The following TTC28 variants were observed in gnomAD, a reference collection of about 807,000 sequenced individuals.
The protein encoded by TTC28 is tetratricopeptide repeat domain 28, also known as tetratricopeptide repeat protein 28.
In TTC28, 61 loss-of-function variants were observed where a neutral mutation model predicts 198.0. The observed-to-expected ratio is 0.31, with a 90% CI of 0.25 to 0.38. The LOEUF is 0.38. Ranked by LOEUF, TTC28 falls within the 10% of genes least tolerant of loss-of-function variation. The pLI, the probability that TTC28 is intolerant of heterozygous loss-of-function variation, is 1.00. For missense variants in TTC28, 2,678 were observed against 3,164.0 expected, an observed-to-expected ratio of 0.85 and a Z score of 3.69; for synonymous variants, 1,171 against 1,297.8, an observed-to-expected ratio of 0.90 and a Z score of 2.10.
intron 6 of TTC28, among the ~76,000 whole-genome samples, chr22:28,145,356 T>C (rs977710398): frequency 6.6e-6 from 1 of 152,186 alleles, no homozygotes; most frequent in African/African-American, 2.4e-5. Context: ...GTTAGGCTGC[T>C]TGAATGTCTA....
rs760982134 is a variant in TTC28 at position 28,163,219 on chromosome 22, A to G, written c.1314T>C (p.Ala438=). The G allele has an allele frequency of 3.2e-6, 5 of 1,551,756 alleles. No homozygotes were observed. In the South Asian group the frequency reaches 4.8e-5, roughly 15 times the overall value. ...TGCACCTGGCAGCATGGCCTAGTCCAGCATAGGCCCGCATCTCAATAGCCT... is the reference window on the plus strand; with the variant it reads ...TGCACCTGGCAGCATGGCCTAGTCCGGCATAGGCCCGCATCTCAATAGCCT... ...MEKAIEMRAY[A]GLGHAARCMQ... is the part of the protein sequence containing the mutation. Residue 438 remains alanine (A), a synonymous_variant, in exon 6 of 23, where the codon GCT becomes GCC. Transcript: ENST00000397906.
intron 6 of TTC28, among the ~76,000 whole-genome samples, chr22:28,127,211 A>C (rs1942938286): frequency 6.6e-6 from 1 of 152,230 alleles, no homozygotes; most frequent in Admixed American, 6.5e-5. Context: ...TTGGAGATAC[A>C]AGTAGCTTTT....
At chr22:28,108,447 A>G in intron 6 of TTC28, 44 bp from the exon 7 acceptor site, 1 of 1,380,940 alleles carries the variant, frequency 7.2e-7, no homozygotes, top group African/African-American at 1.5e-5. Flanking sequence ...GAAATAACTG[A>G]TTTGCAATGT....
At position 28,191,934 on chromosome 22, in the gene TTC28, G is replaced by A. The variant is rs183898395; in HGVS notation, c.934-28335C>T. On this transcript the variant is annotated intron_variant, in intron 5 of 22. Coordinates refer to ENST00000397906, the MANE Select transcript of TTC28 (RefSeq NM_001145418.2). Reference sequence around the variant, plus strand: ...AATGACCCTGTCTGACAGCTTTGAAGAGAGTAGTGGTTCTCCCAGCACGCA... The same window carrying A: ...AATGACCCTGTCTGACAGCTTTGAAAAGAGTAGTGGTTCTCCCAGCACGCA... Among the ~76,000 whole-genome samples the A allele has an allele frequency of 3.5e-3, 540 of 152,334 alleles. 1 individual carries two copies. Among genetic ancestry groups the A allele is most frequent in the African/African-American group, 0.012 (510 of 41,576 alleles).
At chr22:28,523,595 T>C (rs1425169624) in intron 2 of TTC28, among the ~76,000 whole-genome samples, 1 of 152,174 alleles carries the variant, frequency 6.6e-6, no homozygotes, top group Non-Finnish European at 1.5e-5. Context: ...GCCCTTTTTA[T>C]ATATTGTCTC....
chr22:28,567,853 T>A (rs1221521112), intron 2 of TTC28, among the ~76,000 whole-genome samples: 1 of 151,806 alleles, frequency 6.6e-6, no homozygotes, highest in Non-Finnish European at 1.5e-5. Context: ...AAAAACTGCA[T>A]AAGGGGAACG....
chr22:27,985,662 C>T (rs898636839), intron 21 of TTC28: 7 of 234,522 alleles, frequency 3.0e-5, no homozygotes, highest in Admixed American at 9.3e-5. Context: ...GGCTCACTCA[C>T]ATGTTTTCTT....
intron 2 of TTC28, among the ~76,000 whole-genome samples, chr22:28,562,806 G>T (rs1480621842): frequency 6.6e-6 from 1 of 152,182 alleles, no homozygotes; most frequent in East Asian, 1.9e-4. Flanking sequence ...TTCATCAGAG[G>T]AAGGGTTTTG....
At chr22:28,580,520 G>A (rs920060686) in intron 2 of TTC28, among the ~76,000 whole-genome samples, 1 of 152,086 alleles carries the variant, frequency 6.6e-6, no homozygotes, top group African/African-American at 2.4e-5. Flanking sequence ...TTACAGGCAT[G>A]AGCCACCACA....
intron 2 of TTC28, among the ~76,000 whole-genome samples, chr22:28,572,660 A>G (rs145867789): frequency 6.6e-6 from 1 of 152,216 alleles, no homozygotes; most frequent in Admixed American, 6.5e-5. Context: ...AAAGAAAAAT[A>G]AGAGAATGTT....
intron 2 of TTC28, among the ~76,000 whole-genome samples, chr22:28,491,028 G>T (rs1364153505): frequency 3.3e-5 from 5 of 152,184 alleles, no homozygotes; most frequent in African/African-American, 7.2e-5. Context: ...GAAGTTTTTT[G>T]GGGGGAAATA....
intron 12 of TTC28, among the ~76,000 whole-genome samples, chr22:28,092,695 C>T (rs960720164): frequency 3.3e-5 from 5 of 152,212 alleles, no homozygotes; most frequent in African/African-American, 4.8e-5. Flanking sequence ...GGTCTAATGT[C>T]TAACCTAGTT....
chr22:28,148,032 G>A (rs1420643204), intron 6 of TTC28, among the ~76,000 whole-genome samples: 1 of 152,142 alleles, frequency 6.6e-6, no homozygotes, highest in African/African-American at 2.4e-5. Flanking sequence ...ATAAATATTA[G>A]GGTTCTTCAA....
At chr22:28,383,765 G>A (rs1214459498) in intron 2 of TTC28, among the ~76,000 whole-genome samples, 1 of 152,004 alleles carries the variant, frequency 6.6e-6, no homozygotes, top group Non-Finnish European at 1.5e-5. Context: ...AGATCACAAG[G>A]GCCTCCCAAT....
At chr22:27,988,954 G>A (rs1937304853) in intron 21 of TTC28, among the ~76,000 whole-genome samples, 1 of 152,216 alleles carries the variant, frequency 6.6e-6, no homozygotes, top group African/African-American at 2.4e-5. Flanking sequence ...CTCTAGGATG[G>A]TAGGAATTTA....
chr22:28,623,685 T>C (rs1444310137), intron 2 of TTC28, among the ~76,000 whole-genome samples: 7 of 152,140 alleles, frequency 4.6e-5, no homozygotes, highest in Non-Finnish European at 1.0e-4. Context: ...GCATTAATAT[T>C]ATAAAGAGTA....
chr22:28,524,220 G>A (rs1417173740), intron 2 of TTC28, among the ~76,000 whole-genome samples: 1 of 152,104 alleles, frequency 6.6e-6, no homozygotes, highest in Non-Finnish European at 1.5e-5. Context: ...CACTTTGGGA[G>A]GCCAAGACGG....
chr22:28,386,439 T>C (rs1239644102), intron 2 of TTC28, among the ~76,000 whole-genome samples: 1 of 152,162 alleles, frequency 6.6e-6, no homozygotes, highest in Non-Finnish European at 1.5e-5. Flanking sequence ...ATTAGTACAG[T>C]GCTGTGCAAT....
chr22:28,291,547 A>G (rs2044788146), intron 5 of TTC28, among the ~76,000 whole-genome samples: 1 of 152,210 alleles, frequency 6.6e-6, no homozygotes, highest in Non-Finnish European at 1.5e-5. Flanking sequence ...TTTTGGTTTT[A>G]ATATTAATGC....
Sources: gnomAD v4.1 joint callset for allele counts (sites outside exome capture counted in the v4.1 genomes callset) on GRCh38, gnomAD v4.1.1 for gene constraint, MANE v1.5 for transcripts, NCBI Gene and HGNC (gene_info 2026-07-23, HGNC 2026-07-21) for gene names.